Variants in TOP6BL observed in about 807,000 individuals in gnomAD.
TOP6BL encodes type 2 DNA topoisomerase 6 subunit B-like.
chr11:66,820,673 A>G, the TOP6BL span, among the ~76,000 whole-genome samples: 6 of 152,188 alleles, frequency 3.9e-5, no homozygotes, highest in Non-Finnish European at 8.8e-5. Context: ...CACAACAGTG[A>G]TGTTCACATA....
At chr11:66,836,498 C>T in the TOP6BL span, among the ~76,000 whole-genome samples, 2 of 151,082 alleles carry the variant, frequency 1.3e-5, no homozygotes, top group Admixed American at 6.6e-5. Flanking sequence ...CGTGAGCCAC[C>T]GTGCCTGGCC....
the TOP6BL span, chr11:66,843,349 G>T: frequency 6.8e-7 from 1 of 1,465,424 alleles, no homozygotes; most frequent in Non-Finnish European, 9.0e-7. Flanking sequence ...CTGCTTCCGC[G>T]TCGGGCCCGG....
the TOP6BL span, among the ~76,000 whole-genome samples, chr11:66,776,442 A>G: frequency 0.015 from 2,316 of 152,292 alleles, 62 homozygotes; most frequent in African/African-American, 0.053. Flanking sequence ...AATATTAGGC[A>G]TCTGTCTTGC....
At chr11:66,807,244 CAATG>C in the TOP6BL span, among the ~76,000 whole-genome samples, 2 of 152,260 alleles carry the variant, frequency 1.3e-5, no homozygotes, top group East Asian at 1.9e-4. Flanking sequence ...CCAACCTTCT[CAATG>C]AAGGCAAAGG....
At chr11:66,754,272 C>A in the TOP6BL span, among the ~76,000 whole-genome samples, 2 of 152,084 alleles carry the variant, frequency 1.3e-5, no homozygotes, top group African/African-American at 4.8e-5. Flanking sequence ...CTTTTCTTTC[C>A]CCCCTTTCTG....
At chr11:66,800,874 G>C in the TOP6BL span, among the ~76,000 whole-genome samples, 1 of 152,178 alleles carries the variant, frequency 6.6e-6, no homozygotes, top group Non-Finnish European at 1.5e-5. Context: ...TGTCTCTAGA[G>C]GGGGTAAACT....
the TOP6BL span, among the ~76,000 whole-genome samples, chr11:66,815,543 C>T: frequency 6.6e-6 from 1 of 152,232 alleles, no homozygotes; most frequent in African/African-American, 2.4e-5. Flanking sequence ...CCACCACCTA[C>T]TGGCTCCCGT....
chr11:66,801,977 C>A, the TOP6BL span, among the ~76,000 whole-genome samples: 6 of 152,110 alleles, frequency 3.9e-5, no homozygotes, highest in Non-Finnish European at 8.8e-5. Flanking sequence ...AAGAAAAGAC[C>A]TAACATATGC....
At chr11:66,781,789 T>C in the TOP6BL span, among the ~76,000 whole-genome samples, 1 of 152,178 alleles carries the variant, frequency 6.6e-6, no homozygotes, top group Non-Finnish European at 1.5e-5. Context: ...CTCCCTGCCT[T>C]GGCCCCTCAA....
chr11:66,755,921 C>T, the TOP6BL span, among the ~76,000 whole-genome samples: 3 of 152,322 alleles, frequency 2.0e-5, no homozygotes, highest in East Asian at 5.8e-4. Flanking sequence ...CAGGAACACC[C>T]TAATCCAGTA....
At chr11:66,813,867 A>G in the TOP6BL span, 1 of 1,613,622 alleles carries the variant, frequency 6.2e-7, no homozygotes, top group Non-Finnish European at 8.5e-7. Context: ...AACTACACAT[A>G]TTTCTATATG....
the TOP6BL span, chr11:66,744,901 G>A: frequency 5.5e-6 from 7 of 1,267,184 alleles, no homozygotes; most frequent in Non-Finnish European, 7.0e-6. Flanking sequence ...TGGAGGGGAC[G>A]GCCGTGGCCG....
the TOP6BL span, chr11:66,828,420 T>A: frequency 1.5e-6 from 2 of 1,359,222 alleles, no homozygotes; most frequent in East Asian, 2.4e-5. Context: ...TATATGGGAA[T>A]CCTGAATTGA....
chr11:66,835,025 C>T, the TOP6BL span, among the ~76,000 whole-genome samples: 5 of 35,062 alleles, frequency 1.4e-4, no homozygotes, highest in Admixed American at 3.7e-4. Context: ...TTGTTTCCGG[C>T]GGGTCGGGGG....
the TOP6BL span, chr11:66,816,118 G>T: frequency 6.2e-7 from 1 of 1,605,332 alleles, no homozygotes; most frequent in South Asian, 1.1e-5. Flanking sequence ...TCAGACTATG[G>T]ATCCTCAAGG....
the TOP6BL span, among the ~76,000 whole-genome samples, chr11:66,842,473 G>C: frequency 1.3e-5 from 2 of 152,332 alleles, no homozygotes; most frequent in African/African-American, 4.8e-5. Context: ...TCAATGCAAC[G>C]TGAGCAACAA....
chr11:66,818,282 A>T, the TOP6BL span, among the ~76,000 whole-genome samples: 1 of 152,154 alleles, frequency 6.6e-6, no homozygotes, highest in Non-Finnish European at 1.5e-5. Context: ...CTCAGAAGTA[A>T]GATAAGGCAA....
At chr11:66,813,945 CTCT>C in the TOP6BL span, 2 of 1,613,592 alleles carry the variant, frequency 1.2e-6, no homozygotes, top group Non-Finnish European at 1.7e-6. Context: ...TCAAAGATAC[CTCT>C]TCTTTAGTTG....
At chr11:66,759,758 T>C in the TOP6BL span, among the ~76,000 whole-genome samples, 1 of 152,132 alleles carries the variant, frequency 6.6e-6, no homozygotes, top group East Asian at 1.9e-4. Context: ...TAATTTTTTG[T>C]ATCTTAGTAG....
Sources: allele counts gnomAD v4.1 joint callset (sites outside exome capture counted in the v4.1 genomes callset), GRCh38; gene constraint gnomAD v4.1.1; transcripts MANE v1.5; gene names NCBI Gene and HGNC (gene_info 2026-07-23, HGNC 2026-07-21).